Variants in MAPK8IP3 observed in about 807,000 individuals in gnomAD.
The protein encoded by MAPK8IP3 is mitogen-activated protein kinase 8 interacting protein 3, also known as C-Jun-amino-terminal kinase-interacting protein 3.
In MAPK8IP3, 49 loss-of-function variants were observed where a neutral mutation model predicts 157.8. The observed-to-expected ratio is 0.31, with a 90% CI of 0.25 to 0.39. The LOEUF (loss-of-function observed/expected upper bound fraction) is 0.39. Among genes scored for constraint, MAPK8IP3 ranks in the 10% least tolerant of loss-of-function variants. The probability of loss-of-function intolerance (pLI) is 1.00; values close to 1 mark genes in which losing one functional copy is unlikely to be tolerated. For synonymous variants in MAPK8IP3, 897 were observed against 777.7 expected (o/e 1.15, Z -2.55); for missense variants, 1,478 against 1,889.4 (o/e 0.78, Z 4.04).
At chr16:1,736,067 TGA>T (rs2039754293) in intron 4 of MAPK8IP3, among the ~76,000 whole-genome samples, 2 of 93,694 alleles carry the variant, frequency 2.1e-5, no homozygotes, top group Admixed American at 1.2e-4. Context: ...TCCGTGTGTG[TGA>T]CCATCCGTGT....
rs747550328 is a variant in MAPK8IP3, at chr16:1,767,294, A to G, written c.3234A>G (p.Ile1078Met). Residue 1078 changes from isoleucine to methionine, a missense_variant, in exon 26 of 32, where the codon ATA becomes ATG. By Grantham distance (10) the Ile-to-Met change is conservative. This residue lies in a region of MAPK8IP3 where 669 missense variants were observed against 759.8 expected (regional missense o/e 0.88). Transcript: ENST00000610761. ...TCATCCAGCCCAAGACCATGCAGATAGAGGCGAGTGCCGGCCAGGGCCCCG... is the reference window on the plus strand; with the variant it reads ...TCATCCAGCCCAAGACCATGCAGATGGAGGCGAGTGCCGGCCAGGGCCCCG... ...VHVIQPKTMQIEKSFDAHPRR... is the reference protein window; with the variant it reads ...VHVIQPKTMQMEKSFDAHPRR... The G allele has an allele frequency of 1.2e-6, 2 of 1,613,096 alleles. No homozygotes were observed. The highest frequency in any genetic ancestry group is 2.2e-5 in the South Asian group (2 of 91,082).
rs1164110318 is a variant in MAPK8IP3, at chr16:1,764,113, A to G, written c.2026-2A>G. On this transcript the variant is annotated splice_acceptor_variant, in intron 17 of 31. Coordinates refer to ENST00000610761, the MANE Select transcript of MAPK8IP3 (RefSeq NM_001318852.2). LOFTEE classifies it high-confidence loss of function. ...CCCACGGCGCCTCCCTGCTCCCTGCAGCTGAGTCCCAACGGGGGCCAGGAG... is the reference window on the plus strand; with the variant it reads ...CCCACGGCGCCTCCCTGCTCCCTGCGGCTGAGTCCCAACGGGGGCCAGGAG... The G allele has an allele frequency of 1.2e-6, 2 of 1,606,158 alleles. No homozygotes were observed. Among genetic ancestry groups the G allele is most frequent in the Non-Finnish European group, 1.7e-6 (2 of 1,176,708 alleles).
Position 1,739,228 on chromosome 16 carries a change from G to A in MAPK8IP3, c.603-4104G>A, listed in dbSNP as rs1475473836. The stretch of plus-strand genomic sequence containing the variant: ...TGAGCGTCCGTGTGAGCGTGTGACC[G>A]TCCGTGAGAGTGTGACCATCCATGT... On this transcript the variant is annotated intron_variant, in intron 4 of 31. Transcript: ENST00000610761. 9.9e-4 allele frequency among the ~76,000 whole-genome samples: 124 copies of A among 125,326 alleles called. 1 individual carries two copies. The highest frequency in any genetic ancestry group is 1.4e-3 in the Non-Finnish European group (82 of 59,944). 82.2% of individuals were successfully genotyped at this position (125,326 alleles called of 152,430 possible). A position where few individuals can be genotyped will look rare whatever the true frequency, so the allele number is the denominator to read the frequency against.
chr16:1,729,068 G>A, intron 2 of MAPK8IP3, 70 bp from the exon 3 acceptor site: 1 of 1,473,370 alleles, frequency 6.8e-7, no homozygotes, highest in Non-Finnish European at 9.5e-7. Context: ...TCCCTCTGTG[G>A]TTACAACCCA....
In MAPK8IP3 at chr16:1,751,853, C is replaced by G. The variant is rs1020629333; in HGVS notation, c.1216+3133C>G. 1 of 152,446 alleles carries G rather than the reference C, an allele frequency of 6.6e-6. No homozygotes were observed. Among genetic ancestry groups the G allele is most frequent in the Non-Finnish European group, 1.5e-5 (1 of 68,106 alleles). 9.4% of individuals were successfully genotyped at this position (152,446 alleles called of 1,614,324 possible). A position where few individuals can be genotyped will look rare whatever the true frequency, so the allele number is the denominator to read the frequency against. The stretch of plus-strand genomic sequence containing the variant: ...GTTGCATCACATCTTCAAGGTCCAT[C>G]CCAGCTGCAGCGTGTCAGTGCCTCC... On this transcript the variant is annotated intron_variant, in intron 8 of 31. Coordinates refer to ENST00000610761, the MANE Select transcript of MAPK8IP3 (RefSeq NM_001318852.2). This position sits in a 1 kb window ranked among gnomAD's most constrained non-coding sequence, Gnocchi z 5.0.
chr16:1,761,411 A>G, intron 13 of MAPK8IP3, 106 bp downstream of exon 13: 3 of 989,960 alleles, frequency 3.0e-6, no homozygotes, highest in African/African-American at 1.6e-5. Flanking sequence ...ACCATTCACC[A>G]TTCACAGGCA....
In MAPK8IP3 at chr16:1,768,925, T is replaced by C; in HGVS notation, c.*101T>C. 1 of 1,386,038 alleles carries C rather than the reference T, an allele frequency of 7.2e-7. No individual in the cohort carries two copies. The highest frequency in any genetic ancestry group is 2.4e-5 in the East Asian group (1 of 41,792). The allele number at this position is 1,386,038 out of a possible 1,614,324, so 85.9% of individuals were successfully genotyped here. The stretch of plus-strand genomic sequence containing the variant: ...CAGCCAGGCGCCGCCGCCCCTCTTC[T>C]AACCTCTCAACCTGCAGCTTTCACC... On this transcript the variant is annotated 3_prime_UTR_variant, in exon 32 of 32. Coordinates refer to ENST00000610761, the MANE Select transcript of MAPK8IP3 (RefSeq NM_001318852.2).
intron 1 of MAPK8IP3, among the ~76,000 whole-genome samples, chr16:1,719,202 C>T (rs1354152917): frequency 6.6e-6 from 1 of 151,962 alleles, no homozygotes; most frequent in East Asian, 1.9e-4. Flanking sequence ...CTCTTGGCCT[C>T]AAGTGACACT....
intron 4 of MAPK8IP3, 111 bp downstream of exon 4, chr16:1,729,689 C>G (rs2039163648): frequency 9.9e-7 from 1 of 1,009,524 alleles, no homozygotes. Context: ...GCTCTGGGCT[C>G]AGGACGACAG....
chr16:1,765,245 C>G lies in MAPK8IP3; in HGVS notation c.2446+67C>G, dbSNP rs76276029. On this transcript the variant is annotated intron_variant, in intron 20 of 31. Transcript: ENST00000610761. ...CTTTTACTAGCAAGCTAAGTAAAAG[C>G]CCTGCCACACAGCAGCTGCCTTCTC... The G allele has an allele frequency of 8.7e-6, 13 of 1,493,716 alleles. 1 individual carries two copies. In the Admixed American group the frequency reaches 2.5e-4, roughly 29 times the overall value. The allele number at this position is 1,493,716 out of a possible 1,614,324, so 92.5% of individuals were successfully genotyped here.
rs780314859 is a variant in MAPK8IP3, at chr16:1,764,218, C to T, written c.2121+8C>T. 5 of 1,608,952 alleles carry T rather than the reference C, an allele frequency of 3.1e-6. No individual in the cohort carries two copies. In the African/African-American group the frequency reaches 4.0e-5, roughly 13 times the overall value. On this transcript the variant is annotated splice_region_variant and intron_variant, in intron 18 of 31. Coordinates refer to ENST00000610761, the MANE Select transcript of MAPK8IP3 (RefSeq NM_001318852.2). ...AAGGACCCCACCATGAAGGTGAGCC[C>T]GCGAGGACCCCGCTCAGGCTGGCTG...
At chr16:1,717,579 C>T (rs1047176452) in intron 1 of MAPK8IP3, among the ~76,000 whole-genome samples, 4 of 152,368 alleles carry the variant, frequency 2.6e-5, no homozygotes, top group East Asian at 1.9e-4. Context: ...GTCAAATACA[C>T]GCTGCCCTGC....
At position 1,743,365 on chromosome 16, in the gene MAPK8IP3, C is replaced by A; in HGVS notation, c.636C>A (p.Phe212Leu). ...RKERPTSLNV[F>L]PLADGTVRAQ... ...AGCGCCCCACCTCCCTGAACGTGTTCCCCCTGGCTGACGGCACGGTACGTG... is the reference window on the plus strand; with the variant it reads ...AGCGCCCCACCTCCCTGAACGTGTTACCCCTGGCTGACGGCACGGTACGTG... The change falls in exon 5 of 32, where the codon TTC becomes TTA. Residue 212 changes from phenylalanine to leucine, a missense_variant. Around this residue, in one of 11 missense-constraint regions of MAPK8IP3, gnomAD observed 315 missense variants for 394.4 expected, o/e 0.80. Transcript: ENST00000610761. This position sits in a 1 kb window ranked among gnomAD's most constrained non-coding sequence, Gnocchi z 5.6. The A allele has an allele frequency of 6.3e-7, 1 of 1,576,276 alleles. No homozygotes were observed.
intron 9 of MAPK8IP3, among the ~76,000 whole-genome samples, 174 bp from the exon 10 acceptor site, chr16:1,758,804 C>T (rs564057634): frequency 1.1e-4 from 16 of 152,338 alleles, no homozygotes; most frequent in African/African-American, 3.8e-4. Flanking sequence ...CTGGCTCCAT[C>T]CCATCTCCTG....
rs1169336756 is a variant in MAPK8IP3 at position 1,742,786 on chromosome 16, C to T, written c.603-546C>T. ...GTGATGCCAAGTCCCGTGGCTGGCT[C>T]TGCTGTGGGGTGTCTAAAGCACACC... On this transcript the variant is annotated intron_variant, in intron 4 of 31. Coordinates refer to ENST00000610761, the MANE Select transcript of MAPK8IP3 (RefSeq NM_001318852.2). The surrounding 1 kb of genome is among the most constrained non-coding windows in gnomAD (Gnocchi z 5.0). Among the ~76,000 whole-genome samples the T allele has an allele frequency of 6.6e-6, 1 of 152,154 alleles. No individual in the cohort carries two copies. The highest frequency in any genetic ancestry group is 1.5e-5 in the Non-Finnish European group (1 of 68,034).
At chr16:1,749,409 C>T (rs1310402690) in intron 8 of MAPK8IP3, among the ~76,000 whole-genome samples, 1 of 152,152 alleles carries the variant, frequency 6.6e-6, no homozygotes, top group Non-Finnish European at 1.5e-5. Flanking sequence ...GCCGCACACC[C>T]TAGGACCATT....
intron 12 of MAPK8IP3, 49 bp from the exon 13 acceptor site, chr16:1,761,175 A>C (rs2041911841): frequency 6.8e-7 from 1 of 1,472,606 alleles, no homozygotes; most frequent in African/African-American, 1.4e-5. Context: ...TGTGTTCCCG[A>C]GGCCCCTGGG....
chr16:1,744,678 C>T, intron 5 of MAPK8IP3: 2 of 985,504 alleles, frequency 2.0e-6, no homozygotes, highest in Non-Finnish European at 2.4e-6. Context: ...CGGGGGGAGC[C>T]CTTGCTTGAC....
At position 1,765,883 on chromosome 16, in the gene MAPK8IP3, C is replaced by A. The variant is rs2042227352; in HGVS notation, c.2447-77C>A. 9 of 1,360,950 alleles carry A rather than the reference C, an allele frequency of 6.6e-6. No individual in the cohort carries two copies. In the South Asian group the frequency reaches 1.2e-4, roughly 19 times the overall value. The allele number at this position is 1,360,950 out of a possible 1,614,324, so 84.3% of individuals were successfully genotyped here. On this transcript the variant is annotated intron_variant, in intron 20 of 31. Coordinates refer to ENST00000610761, the MANE Select transcript of MAPK8IP3 (RefSeq NM_001318852.2). ...GGAAGGCCAGCCCCGGCTTCCTCTGCCCCTGTGTAAGTGCTGGGCACGCCC... is the reference window on the plus strand; with the variant it reads ...GGAAGGCCAGCCCCGGCTTCCTCTGACCCTGTGTAAGTGCTGGGCACGCCC...
Sources: gnomAD v4.1 joint callset for allele counts (sites outside exome capture counted in the v4.1 genomes callset) on GRCh38, gnomAD v4.1.1 for gene constraint, gnomAD v4.1.1 regional missense constraint, Gnocchi (gnomAD v3.1) non-coding constraint, MANE v1.5 for transcripts, NCBI Gene and HGNC (gene_info 2026-07-23, HGNC 2026-07-21) for gene names.